Variants in ATG4B observed in about 807,000 individuals in gnomAD.
The protein encoded by ATG4B is cysteine protease ATG4B.
Under a neutral mutation model 56.6 loss-of-function variants are expected in ATG4B, and 29 were observed. The observed-to-expected ratio is 0.51, with a 90% CI of 0.38 to 0.70. The LOEUF is 0.70. Ranked by LOEUF, ATG4B falls within the 30% of genes least tolerant of loss-of-function variation. The pLI, the probability that ATG4B is intolerant of heterozygous loss-of-function variation, is 0.00. For synonymous variants in ATG4B, 224 were observed against 206.1 expected (o/e 1.09, Z -0.74); for missense variants, 461 against 515.5 (o/e 0.89, Z 1.02).
intron 1 of ATG4B, among the ~76,000 whole-genome samples, chr2:241,644,930 C>CA (rs1175850047): frequency 6.8e-6 from 1 of 147,816 alleles, no homozygotes; most frequent in Admixed American, 6.8e-5. Flanking sequence ...GCCTGGGTGA[C>CA]GAGCAAAACT....
chr2:241,671,512 G>C (rs1009583198), intron 12 of ATG4B, 107 bp downstream of exon 12: 2 of 1,550,592 alleles, frequency 1.3e-6, no homozygotes, highest in African/African-American at 2.7e-5. Flanking sequence ...GTGTGAGCCT[G>C]AGCCGTGAGC....
At chr2:241,646,981 A>G (rs903511807) in intron 1 of ATG4B, among the ~76,000 whole-genome samples, 3 of 151,880 alleles carry the variant, frequency 2.0e-5, no homozygotes, top group African/African-American at 7.3e-5. Flanking sequence ...ATGGGATTTC[A>G]CCATGTTGAC....
chr2:241,654,419 T>TAA (rs201525288), intron 4 of ATG4B, 127 bp from the exon 5 acceptor site: 503 of 438,130 alleles, frequency 1.1e-3, no homozygotes, highest in Non-Finnish European at 1.5e-3. Context: ...AGACTCTGTT[T>TAA]AAAAAAAAAA....
rs562988759 is a variant in ATG4B at position 241,666,136 on chromosome 2, C to T, written c.539-509C>T. ...CTGAGTGGGGAGTGGTGTTGAGAAA[C>T]CTCGATCTAGACGCCGGGCATGCTC... On this transcript the variant is annotated intron_variant, in intron 7 of 12. Coordinates refer to ENST00000404914, the MANE Select transcript of ATG4B (RefSeq NM_013325.5). 1.0e-3 allele frequency among the ~76,000 whole-genome samples: 152 copies of T among 152,362 alleles called. No individual in the cohort carries two copies. In the Middle Eastern group the frequency reaches 0.037, roughly 38 times the overall value.
intron 12 of ATG4B, chr2:241,671,772 C>A (rs923397394): frequency 1.6e-6 from 2 of 1,283,498 alleles, no homozygotes; most frequent in Non-Finnish European, 2.0e-6. Flanking sequence ...GTGGCGTAGA[C>A]CCCTCGGACC....
At chr2:241,649,301 A>G (rs1197779458) in intron 1 of ATG4B, among the ~76,000 whole-genome samples, 1 of 152,254 alleles carries the variant, frequency 6.6e-6, no homozygotes, top group Non-Finnish European at 1.5e-5. Flanking sequence ...ACCTGTGCAT[A>G]AAGACTTCTG....
chr2:241,670,805 C>G (rs765425814), intron 11 of ATG4B, 23 bp downstream of exon 11: 1 of 1,597,428 alleles, frequency 6.3e-7, no homozygotes, highest in Admixed American at 1.7e-5. Flanking sequence ...CCCACACCCA[C>G]AGCCGAGCTG....
intron 10 of ATG4B, among the ~76,000 whole-genome samples, chr2:241,669,182 C>A: frequency 6.6e-6 from 1 of 152,172 alleles, no homozygotes. Context: ...CCTGTTTTTC[C>A]ATTTTGATTA....
intron 10 of ATG4B, among the ~76,000 whole-genome samples, chr2:241,670,140 G>A (rs985992645): frequency 5.3e-5 from 8 of 152,308 alleles, no homozygotes; most frequent in Non-Finnish European, 1.0e-4. Flanking sequence ...CCCCCATTTC[G>A]TTTCTTTTTG....
chr2:241,641,940 T>G (rs2067901980), intron 1 of ATG4B, among the ~76,000 whole-genome samples: 1 of 152,096 alleles, frequency 6.6e-6, no homozygotes, highest in Non-Finnish European at 1.5e-5. Context: ...TGCCAGCACT[T>G]AAATAGCCAC....
At chr2:241,653,972 C>CA (rs1411199818) in intron 4 of ATG4B, among the ~76,000 whole-genome samples, 1 of 108,994 alleles carries the variant, frequency 9.2e-6, no homozygotes, top group East Asian at 2.7e-4. Flanking sequence ...GCCTCTGCAA[C>CA]AGAGTTAGAC....
chr2:241,661,308 G>A (rs1308166270), intron 7 of ATG4B, among the ~76,000 whole-genome samples: 1 of 152,230 alleles, frequency 6.6e-6, no homozygotes, highest in Non-Finnish European at 1.5e-5. Context: ...AGCCAGCAAA[G>A]GCACTGGCAT....
Position 241,651,426 on chromosome 2 carries a change from C to T in ATG4B, c.184+91C>T, listed in dbSNP as rs1418278097. 3 of 987,406 alleles carry T rather than the reference C, an allele frequency of 3.0e-6. No individual in the cohort carries two copies. Among genetic ancestry groups the T allele is most frequent in the South Asian group, 1.5e-5 (1 of 64,722 alleles). 61.2% of individuals were successfully genotyped at this position (987,406 alleles called of 1,614,324 possible). A position where few individuals can be genotyped will look rare whatever the true frequency, so the allele number is the denominator to read the frequency against. ...TTGTAGATTTGACTTCAATATGCCA[C>T]TGACTTCATTTGAATCTTCACAGCA... On this transcript the variant is annotated intron_variant, in intron 3 of 12. Transcript: ENST00000404914. This position sits in a 1 kb window ranked among gnomAD's most constrained non-coding sequence, Gnocchi z 4.1.
intron 1 of ATG4B, among the ~76,000 whole-genome samples, chr2:241,650,355 G>A (rs1041628896): frequency 6.6e-6 from 1 of 152,100 alleles, no homozygotes; most frequent in Admixed American, 6.6e-5. Flanking sequence ...CCTGAGAGTA[G>A]CACCCCATGC....
rs1003002697 is a variant in ATG4B, at chr2:241,668,872, C to T, written c.957+187C>T. 1.1e-4 allele frequency: 83 copies of T among 778,920 alleles called. No homozygotes were observed. In the East Asian group the frequency reaches 2.1e-3, roughly 20 times the overall value. 48.3% of individuals were successfully genotyped at this position (778,920 alleles called of 1,614,324 possible). ...TCCTTGCACCCTCACGTCCCTCCCC[C>T]AGGCACCACCTCCTGTGCAGCCTTC... On this transcript the variant is annotated intron_variant, in intron 10 of 12. Transcript: ENST00000404914. This position sits in a 1 kb window ranked among gnomAD's most constrained non-coding sequence, Gnocchi z 4.2.
chr2:241,639,632 C>T (rs1211173661), intron 1 of ATG4B, among the ~76,000 whole-genome samples: 2 of 152,164 alleles, frequency 1.3e-5, no homozygotes, highest in African/African-American at 2.4e-5. Context: ...GATGAAACAC[C>T]CCTCAGCAGA....
At position 241,668,361 on chromosome 2, in the gene ATG4B, C is replaced by A; in HGVS notation, c.811+140C>A. On this transcript the variant is annotated intron_variant, in intron 9 of 12. Coordinates refer to ENST00000404914, the MANE Select transcript of ATG4B (RefSeq NM_013325.5). The surrounding 1 kb of genome is among the most constrained non-coding windows in gnomAD (Gnocchi z 4.2). ...CCCTGGGGTTCATTTTCAGCCTGGT[C>A]GCGGGCGGCCTCCTGTGTGCCCCTT... 1 of 1,358,352 alleles carries A rather than the reference C, an allele frequency of 7.4e-7. No homozygotes were observed. The highest frequency in any genetic ancestry group is 1.3e-5 in the South Asian group (1 of 79,406). The allele number at this position is 1,358,352 out of a possible 1,614,324, so 84.1% of individuals were successfully genotyped here.
intron 12 of ATG4B, chr2:241,671,953 C>T: frequency 7.1e-7 from 1 of 1,401,662 alleles, no homozygotes; most frequent in African/African-American, 1.4e-5. Flanking sequence ...GCCCCTCAGG[C>T]CTGAGATTGT....
At chr2:241,661,806 T>G (rs2068602512) in intron 7 of ATG4B, among the ~76,000 whole-genome samples, 1 of 151,440 alleles carries the variant, frequency 6.6e-6, no homozygotes, top group African/African-American at 2.4e-5. Context: ...AGCCAGGACA[T>G]CCTTAGCATG....
Sources: allele counts gnomAD v4.1 joint callset (sites outside exome capture counted in the v4.1 genomes callset), GRCh38; gene constraint gnomAD v4.1.1; non-coding constraint Gnocchi (gnomAD v3.1); transcripts MANE v1.5; gene names NCBI Gene and HGNC (gene_info 2026-07-23, HGNC 2026-07-21).